HMCN1: variants seen among roughly 807,000 people sequenced by gnomAD.
HMCN1 encodes hemicentin-1.
Under a neutral mutation model 625.9 loss-of-function variants are expected in HMCN1, and 321 were observed. The ratio of observed to expected loss-of-function variants is 0.51; its 90% CI spans 0.47 to 0.56. The LOEUF is 0.56. Among genes scored for constraint, HMCN1 ranks in the 20% least tolerant of loss-of-function variants. The pLI, the probability that HMCN1 is intolerant of heterozygous loss-of-function variation, is 0.00. For synonymous variants in HMCN1, 2,425 were observed against 2,417.6 expected, an observed-to-expected ratio of 1.00 and a Z score of -0.09; for missense variants, 6,588 against 6,887.3, an observed-to-expected ratio of 0.96 and a Z score of 1.54.
chr1:185,773,371 A>G (rs1656378104), intron 1 of HMCN1, among the ~76,000 whole-genome samples: 1 of 152,204 alleles, frequency 6.6e-6, no homozygotes, highest in Admixed American at 6.5e-5. Flanking sequence ...TCATTTGCCA[A>G]TCATTCATTT....
chr1:186,064,553 T>C (rs1657981756), intron 48 of HMCN1, among the ~76,000 whole-genome samples: 1 of 152,074 alleles, frequency 6.6e-6, no homozygotes, highest in South Asian at 2.1e-4. Flanking sequence ...CTCACGCCTG[T>C]AATCCCAGCA....
chr1:185,877,321 C>CT (rs71557837), intron 4 of HMCN1, among the ~76,000 whole-genome samples: 955 of 34,992 alleles, frequency 0.027, 105 homozygotes, highest in East Asian at 0.039. Flanking sequence ...ATGTGTCTTT[C>CT]TTTTTTTTTT....
In HMCN1 at chr1:186,171,347, A is replaced by T. The variant is rs1331360451; in HGVS notation, c.15585A>T (p.Glu5195Asp). ...TGTTTTATTTAACAGATATTAATGA[A>T]TGTCAAGAATCCAGCCCCTGTCACC... ...SDGLSCQDIN[E>D]CQESSPCHQR... The change falls in exon 101 of 107, where the codon GAA becomes GAT. Residue 5195 changes from glutamate (E) to aspartate (D), a missense_variant. Physicochemically the swap from Glu to Asp is conservative, Grantham distance 45. Transcript: ENST00000271588. 8.7e-6 allele frequency: 14 copies of T among 1,612,440 alleles called. No individual in the cohort carries two copies. Among genetic ancestry groups the T allele is most frequent in the Non-Finnish European group, 1.2e-5 (14 of 1,178,696 alleles).
At chr1:185,955,189 C>T (rs1417067558) in intron 11 of HMCN1, among the ~76,000 whole-genome samples, 1 of 152,230 alleles carries the variant, frequency 6.6e-6, no homozygotes, top group Non-Finnish European at 1.5e-5. Flanking sequence ...CCATTCCAAT[C>T]CATCTTCCAC....
chr1:186,147,894 G>A (rs955241951), intron 93 of HMCN1, among the ~76,000 whole-genome samples: 1 of 152,154 alleles, frequency 6.6e-6, no homozygotes, highest in African/African-American at 2.4e-5. Flanking sequence ...TGGTGGATGC[G>A]GAAGGTTAGG....
At chr1:185,871,341 G>A (rs1489484950) in intron 4 of HMCN1, among the ~76,000 whole-genome samples, 6 of 152,174 alleles carry the variant, frequency 3.9e-5, no homozygotes, top group African/African-American at 1.2e-4. Flanking sequence ...GCAGTATTGT[G>A]TGGTAGTTAA....
At chr1:185,952,277 A>C (rs1000412803) in intron 11 of HMCN1, among the ~76,000 whole-genome samples, 3 of 151,504 alleles carry the variant, frequency 2.0e-5, no homozygotes, top group Admixed American at 2.0e-4. Flanking sequence ...TGAGGAGGGG[A>C]GGTGATAAAA....
intron 4 of HMCN1, among the ~76,000 whole-genome samples, chr1:185,878,960 T>A (rs944068989): frequency 6.6e-6 from 1 of 152,210 alleles, no homozygotes; most frequent in Non-Finnish European, 1.5e-5. Flanking sequence ...AAGCTCCTCA[T>A]TGGACATGTT....
intron 82 of HMCN1, 105 bp downstream of exon 82, chr1:186,125,899 AT>A (rs1000411022): frequency 3.6e-5 from 29 of 800,264 alleles, no homozygotes; most frequent in African/African-American, 1.2e-4. Flanking sequence ...ATTAAAAAAA[AT>A]ATTCTTGTAA....
chr1:186,067,934 T>A lies in HMCN1; in HGVS notation c.7806T>A (p.Tyr2602Ter). The A allele has an allele frequency of 6.2e-7, 1 of 1,613,522 alleles. No individual in the cohort carries two copies. Among genetic ancestry groups the A allele is most frequent in the Non-Finnish European group, 8.5e-7 (1 of 1,179,502 alleles). ...PTSLVCEAYS[Y>*]PPATITWFKD... ...CTTTGGTCTGTGAAGCTTATTCATA[T>A]CCTCCAGCTACCATCACCTGGTTTA... The change falls in exon 50 of 107, where the codon TAT (tyrosine) becomes TAA (stop). Residue 2602 changes from tyrosine to a stop codon, truncating the protein, a stop_gained. Transcript: ENST00000271588. LOFTEE classifies it high-confidence loss of function.
chr1:185,773,804 T>C (rs1253524437), intron 1 of HMCN1, among the ~76,000 whole-genome samples: 2 of 152,006 alleles, frequency 1.3e-5, no homozygotes, highest in East Asian at 3.8e-4. Flanking sequence ...AGCAAAAAGG[T>C]TATGATTAGA....
intron 36 of HMCN1, among the ~76,000 whole-genome samples, chr1:186,027,072 T>C (rs1475917177): frequency 1.3e-5 from 2 of 152,232 alleles, no homozygotes; most frequent in African/African-American, 4.8e-5. Context: ...CTTTCTTATA[T>C]AAATATCTTA....
intron 104 of HMCN1, among the ~76,000 whole-genome samples, chr1:186,180,015 C>T (rs773723195): frequency 1.3e-5 from 2 of 152,162 alleles, no homozygotes; most frequent in Non-Finnish European, 2.9e-5. Context: ...ACTTCTCCCT[C>T]GTGATTAGCT....
chr1:185,853,901 C>A (rs532139234), intron 2 of HMCN1, among the ~76,000 whole-genome samples: 2 of 152,118 alleles, frequency 1.3e-5, no homozygotes, highest in Non-Finnish European at 2.9e-5. Flanking sequence ...TGAGTCATTG[C>A]GTGGCAAATA....
chr1:185,987,640 C>T (rs762709810), intron 20 of HMCN1, 96 bp downstream of exon 20: 21 of 866,710 alleles, frequency 2.4e-5, no homozygotes, highest in Non-Finnish European at 4.2e-5. Context: ...AGGAGTGGGG[C>T]ATGGAAAGAA....
chr1:186,120,211 A>G (rs1325552448), intron 80 of HMCN1, 66 bp downstream of exon 80: 3 of 1,518,816 alleles, frequency 2.0e-6, no homozygotes, highest in Admixed American at 1.8e-5. Context: ...CCAAATATTT[A>G]TATATCTAAA....
chr1:186,107,203 A>C (rs1300374744), intron 70 of HMCN1, among the ~76,000 whole-genome samples: 2 of 152,248 alleles, frequency 1.3e-5, no homozygotes, highest in South Asian at 4.1e-4. Flanking sequence ...CTCCTGCCTC[A>C]GCCTCCTGAG....
Position 186,144,260 on chromosome 1 carries a change from A to G in HMCN1, c.14012A>G (p.Asn4671Ser). The change falls in exon 90 of 107, where the codon AAT becomes AGT. Residue 4671 changes from asparagine (N) to serine (S), a missense_variant. By Grantham distance (46) the Asn-to-Ser change is conservative (BLOSUM62 1). Coordinates refer to ENST00000271588, the MANE Select transcript of HMCN1 (RefSeq NM_031935.3). ...ACTCAGACAAGAGCAAGACTTTGTAATAACCCACCACCAGCGTTTGGTGGG... is the reference window on the plus strand; with the variant it reads ...ACTCAGACAAGAGCAAGACTTTGTAGTAACCCACCACCAGCGTTTGGTGGG... Reference protein sequence around the residue: ...KGTQTRARLCNNPPPAFGGSY... With the variant: ...KGTQTRARLCSNPPPAFGGSY... The G allele has an allele frequency of 6.2e-7, 1 of 1,614,094 alleles. No individual in the cohort carries two copies. Among genetic ancestry groups the G allele is most frequent in the Non-Finnish European group, 8.5e-7 (1 of 1,180,004 alleles).
chr1:185,970,856 C>T (rs1353785328), intron 15 of HMCN1, among the ~76,000 whole-genome samples: 7 of 151,872 alleles, frequency 4.6e-5, no homozygotes, highest in African/African-American at 1.7e-4. Flanking sequence ...GGCGGGGTTT[C>T]ACCATGTTGG....
Sources: allele counts gnomAD v4.1 joint callset (sites outside exome capture counted in the v4.1 genomes callset), GRCh38; gene constraint gnomAD v4.1.1; transcripts MANE v1.5; gene names NCBI Gene and HGNC (gene_info 2026-07-23, HGNC 2026-07-21).